The following KIAA1217 variants were observed in gnomAD, a reference collection of about 807,000 sequenced individuals.
The protein encoded by KIAA1217 is KIAA1217, also known as sickle tail protein homolog.
KIAA1217 carries 88 observed loss-of-function variants against 163.9 expected under a neutral mutation model. The observed-to-expected ratio is 0.54, with a 90% CI of 0.45 to 0.64. KIAA1217 has a LOEUF of 0.64. Among genes scored for constraint, KIAA1217 ranks in the 30% least tolerant of loss-of-function variants. The pLI, the probability that KIAA1217 is intolerant of heterozygous loss-of-function variation, is 0.00. For missense variants in KIAA1217, 2,372 were observed against 2,475.0 expected (o/e 0.96, Z 0.88); for synonymous variants, 903 against 923.1 (o/e 0.98, Z 0.39).
intron 1 of KIAA1217, among the ~76,000 whole-genome samples, chr10:23,976,070 A>G (rs767176512): frequency 6.6e-6 from 1 of 152,166 alleles, no homozygotes; most frequent in Non-Finnish European, 1.5e-5. Context: ...TCAAAACGAA[A>G]TAGGACCCCA....
chr10:24,478,600 C>A (rs982473804), intron 6 of KIAA1217, among the ~76,000 whole-genome samples: 4 of 152,092 alleles, frequency 2.6e-5, no homozygotes, highest in African/African-American at 7.2e-5. Context: ...TGGTTTTATC[C>A]AAGTGACTTC....
At chr10:23,958,565 T>A (rs1844671467) in intron 1 of KIAA1217, among the ~76,000 whole-genome samples, 1 of 152,200 alleles carries the variant, frequency 6.6e-6, no homozygotes. Context: ...AATGCACATT[T>A]AATATCAATT....
chr10:24,188,056 G>T (rs2066527279), intron 2 of KIAA1217, among the ~76,000 whole-genome samples: 1 of 152,014 alleles, frequency 6.6e-6, no homozygotes, highest in Middle Eastern at 3.4e-3. Flanking sequence ...AAATTAGCCA[G>T]GCATGGTGGC....
At chr10:24,027,098 C>T (rs1847985380) in intron 2 of KIAA1217, among the ~76,000 whole-genome samples, 1 of 151,806 alleles carries the variant, frequency 6.6e-6, no homozygotes, top group African/African-American at 2.4e-5. Flanking sequence ...TAATTTAATT[C>T]TGTTGTTATC....
At chr10:24,369,179 A>ATGTG (rs59687010) in intron 2 of KIAA1217, among the ~76,000 whole-genome samples, 5,811 of 139,560 alleles carry the variant, frequency 0.042, 167 homozygotes, top group African/African-American at 0.079. Flanking sequence ...AACTTTCACT[A>ATGTG]TGTGTGTGTG....
At chr10:24,537,863 T>C (rs1209814799) in intron 17 of KIAA1217, among the ~76,000 whole-genome samples, 6 of 152,186 alleles carry the variant, frequency 3.9e-5, no homozygotes, top group Admixed American at 3.9e-4. Flanking sequence ...GTAAGCACTC[T>C]AGGGAAACGA....
chr10:24,079,720 A>G (rs1312153393), intron 2 of KIAA1217, among the ~76,000 whole-genome samples: 2 of 152,142 alleles, frequency 1.3e-5, no homozygotes, highest in Non-Finnish European at 2.9e-5. Flanking sequence ...GATGGTTGTG[A>G]TAACTTTTGG....
At chr10:24,165,866 C>T (rs895843669) in intron 2 of KIAA1217, among the ~76,000 whole-genome samples, 1 of 152,176 alleles carries the variant, frequency 6.6e-6, no homozygotes, top group African/African-American at 2.4e-5. Flanking sequence ...CAAGAGAGTT[C>T]TTCAGGCATT....
rs148454163 is a variant in KIAA1217, at chr10:24,524,533, C to T, written c.2667C>T (p.Ser889=). ...LSGMMVRHAQ[S]SPVVIQPSQH... Reference sequence around the variant, plus strand: ...GCATGATGGTTCGCCACGCGCAGAGCTCCCCTGTGGTCATCCAGCCCTCCC... The same window carrying T: ...GCATGATGGTTCGCCACGCGCAGAGTTCCCCTGTGGTCATCCAGCCCTCCC... Residue 889 remains serine (S), a synonymous_variant, in exon 13 of 21, where the codon AGC becomes AGT. Coordinates refer to ENST00000376454, the MANE Select transcript of KIAA1217 (RefSeq NM_019590.5). The T allele has an allele frequency of 2.2e-5, 35 of 1,613,922 alleles. No homozygotes were observed. The highest frequency in any genetic ancestry group is 2.7e-5 in the Non-Finnish European group (32 of 1,179,980).
chr10:24,370,870 A>T (rs2051544512), intron 2 of KIAA1217, among the ~76,000 whole-genome samples: 1 of 152,160 alleles, frequency 6.6e-6, no homozygotes, highest in Non-Finnish European at 1.5e-5. Flanking sequence ...AAGCCACCAC[A>T]CCTAGTCCAG....
intron 2 of KIAA1217, among the ~76,000 whole-genome samples, chr10:24,227,218 C>T (rs572396654): frequency 3.2e-4 from 49 of 151,842 alleles, no homozygotes; most frequent in South Asian, 1.3e-3. Context: ...AGTGCAATGG[C>T]GCGATCTTTT....
chr10:24,155,866 C>G (rs1026074536), intron 2 of KIAA1217, among the ~76,000 whole-genome samples: 2 of 151,972 alleles, frequency 1.3e-5, no homozygotes, highest in Non-Finnish European at 2.9e-5. Context: ...CTCTGGGGAT[C>G]ATTTGGGCCA....
chr10:24,179,315 T>TG (rs910826090), intron 2 of KIAA1217, among the ~76,000 whole-genome samples: 1 of 152,120 alleles, frequency 6.6e-6, no homozygotes. Flanking sequence ...GATTGGATCA[T>TG]GGGGGTGGTT....
chr10:23,941,674 C>T (rs1237271410), intron 1 of KIAA1217, among the ~76,000 whole-genome samples: 1 of 152,116 alleles, frequency 6.6e-6, no homozygotes, highest in African/African-American at 2.4e-5. Context: ...GACCCCTGAA[C>T]ATACATGGAG....
intron 2 of KIAA1217, among the ~76,000 whole-genome samples, chr10:24,080,051 T>C (rs1197371819): frequency 2.6e-5 from 4 of 152,264 alleles, no homozygotes; most frequent in African/African-American, 7.2e-5. Context: ...GTGGCCCTTC[T>C]GTTCTTCCGG....
chr10:23,719,250 C>T (rs1837733254), intron 1 of KIAA1217, among the ~76,000 whole-genome samples: 1 of 152,148 alleles, frequency 6.6e-6, no homozygotes, highest in Non-Finnish European at 1.5e-5. Flanking sequence ...ATACATGCTA[C>T]AGTATGATGA....
intron 2 of KIAA1217, among the ~76,000 whole-genome samples, chr10:24,224,824 C>CTTTTTTTTTT: frequency 8.3e-6 from 1 of 121,028 alleles, no homozygotes; most frequent in African/African-American, 3.2e-5. Flanking sequence ...AATCATTTGA[C>CTTTTTTTTTT]TTTTTTTTTT....
At chr10:24,072,370 A>G (rs1339686003) in intron 2 of KIAA1217, among the ~76,000 whole-genome samples, 2 of 152,204 alleles carry the variant, frequency 1.3e-5, no homozygotes, top group African/African-American at 4.8e-5. Flanking sequence ...GAGGACAGAT[A>G]ACTAGAGAAG....
chr10:23,935,399 A>G (rs1176267159), intron 1 of KIAA1217, among the ~76,000 whole-genome samples: 3 of 152,318 alleles, frequency 2.0e-5, no homozygotes, highest in South Asian at 2.1e-4. Flanking sequence ...CTGCTAGCAA[A>G]CATCTTCTTT....
Sources: allele counts gnomAD v4.1 joint callset (sites outside exome capture counted in the v4.1 genomes callset), GRCh38; gene constraint gnomAD v4.1.1; transcripts MANE v1.5; gene names NCBI Gene and HGNC (gene_info 2026-07-23, HGNC 2026-07-21).